GABBR2: variants seen among roughly 807,000 people sequenced by gnomAD.
GABBR2 encodes the protein gamma-aminobutyric acid type B receptor subunit 2.
A neutral mutation model predicts 105.6 loss-of-function variants in GABBR2; 23 were observed. The observed-to-expected ratio is 0.22, with a 90% CI of 0.16 to 0.31. The LOEUF is 0.31. Among genes scored for constraint, GABBR2 ranks in the 10% least tolerant of loss-of-function variants. The pLI is 1.00. For missense variants in GABBR2, 734 were observed against 1,245.5 expected (o/e 0.59, Z 6.18); for synonymous variants, 478 against 499.7 (o/e 0.96, Z 0.58).
chr9:98,696,163 G>A (rs1007137014), intron 1 of GABBR2, among the ~76,000 whole-genome samples: 3 of 152,320 alleles, frequency 2.0e-5, no homozygotes, highest in South Asian at 2.1e-4. Flanking sequence ...TTGCCTAATC[G>A]GGGAGGACAG....
intron 1 of GABBR2, among the ~76,000 whole-genome samples, chr9:98,611,487 AATGAATG>A (rs1273218175): frequency 6.6e-6 from 1 of 152,156 alleles, no homozygotes; most frequent in Non-Finnish European, 1.5e-5. Flanking sequence ...TGAATGAATG[AATGAATG>A]AAATTGGAAG....
chr9:98,362,051 T>G (rs1024050068), intron 13 of GABBR2, among the ~76,000 whole-genome samples: 1 of 152,126 alleles, frequency 6.6e-6, no homozygotes, highest in Non-Finnish European at 1.5e-5. Context: ...TCTACCGAAA[T>G]CCTACCAAAT....
intron 1 of GABBR2, chr9:98,581,325 T>C (rs1281103113): frequency 1.3e-5 from 2 of 152,236 alleles, no homozygotes; most frequent in Non-Finnish European, 2.9e-5. Context: ...GTGACAAGGA[T>C]GAGGTGGCCA....
intron 7 of GABBR2, among the ~76,000 whole-genome samples, chr9:98,441,274 C>G (rs1034617843): frequency 6.7e-6 from 1 of 149,466 alleles, no homozygotes; most frequent in Non-Finnish European, 1.5e-5. Flanking sequence ...TAAAATTGCT[C>G]TATCATAATA....
intron 2 of GABBR2, among the ~76,000 whole-genome samples, chr9:98,554,597 A>T (rs754678738): frequency 2.0e-5 from 3 of 152,236 alleles, no homozygotes; most frequent in Admixed American, 6.5e-5. Flanking sequence ...CTTTTAAAGA[A>T]TAATAGCAAA....
chr9:98,400,016 A>G (rs75312222), intron 8 of GABBR2, among the ~76,000 whole-genome samples: 2 of 109,890 alleles, frequency 1.8e-5, no homozygotes, highest in East Asian at 4.8e-4. Context: ...CACCTCCATG[A>G]AAAAAAAAAA....
rs746382056 is a variant in GABBR2 at position 98,290,688 on chromosome 9, C to T, written c.2722G>A (p.Gly908Arg). ...ILHHAYLPSI[G>R]GVDASCVSPC... ...CTGACACAGCTGGCGTCCACGCCTC[C>T]GATGGATGGGAGGTAGGCGTGGTGG... is the stretch of plus-strand genomic sequence containing the variant. The change falls in exon 19 of 19, where the codon GGA becomes AGA. Residue 908 changes from glycine to arginine, a missense_variant. Gly to Arg is a moderately radical substitution (Grantham distance 125). Coordinates refer to ENST00000259455, the MANE Select transcript of GABBR2 (RefSeq NM_005458.8). 4.7e-6 allele frequency: 7 copies of T among 1,480,460 alleles called. No individual in the cohort carries two copies. Among genetic ancestry groups the T allele is most frequent in the Non-Finnish European group, 1.8e-6 (2 of 1,126,536 alleles). 91.7% of individuals were successfully genotyped at this position (1,480,460 alleles called of 1,614,324 possible). A position where few individuals can be genotyped will look rare whatever the true frequency, so the allele number is the denominator to read the frequency against.
chr9:98,353,649 A>C (rs939006142), intron 13 of GABBR2, among the ~76,000 whole-genome samples: 4 of 152,216 alleles, frequency 2.6e-5, no homozygotes, highest in African/African-American at 9.6e-5. Context: ...AACAGGCATG[A>C]AAACAACATT....
intron 3 of GABBR2, among the ~76,000 whole-genome samples, chr9:98,513,638 CA>C (rs201500599): frequency 0.046 from 6,969 of 151,900 alleles, 244 homozygotes; most frequent in South Asian, 0.12. Flanking sequence ...TTTATGCAGC[CA>C]AAAAACACAT....
At chr9:98,633,965 A>G (rs1376370881) in intron 1 of GABBR2, among the ~76,000 whole-genome samples, 1 of 152,170 alleles carries the variant, frequency 6.6e-6, no homozygotes, top group Admixed American at 6.5e-5. Context: ...ACAGCCACTG[A>G]GCTGTGGTCA....
In GABBR2 at chr9:98,459,844, T is replaced by G. The variant is rs755464646; in HGVS notation, c.1000-5627A>C. ...GAAACCGAACCTGGAATCATCTCAG[T>G]TCTTCACTGGATTAAGGCAATTTGC... On this transcript the variant is annotated intron_variant, in intron 6 of 18. Transcript: ENST00000259455. Among the ~76,000 whole-genome samples, 11 of 152,350 alleles carry G rather than the reference T, an allele frequency of 7.2e-5. No homozygotes were observed. In the South Asian group the frequency reaches 2.3e-3, roughly 32 times the overall value.
chr9:98,555,332 C>T (rs1371815927), intron 2 of GABBR2, among the ~76,000 whole-genome samples: 1 of 152,186 alleles, frequency 6.6e-6, no homozygotes, highest in African/African-American at 2.4e-5. Context: ...CAGGCAGGGA[C>T]ATCATTCTAA....
At chr9:98,595,166 A>G (rs958541628) in intron 1 of GABBR2, among the ~76,000 whole-genome samples, 4 of 152,138 alleles carry the variant, frequency 2.6e-5, no homozygotes, top group African/African-American at 9.6e-5. Flanking sequence ...TTTGGTGTCT[A>G]GTGAAGGCTG....
At chr9:98,540,340 A>G (rs1312889336) in intron 3 of GABBR2, among the ~76,000 whole-genome samples, 1 of 152,206 alleles carries the variant, frequency 6.6e-6, no homozygotes, top group Non-Finnish European at 1.5e-5. Flanking sequence ...TCCATTACTC[A>G]TTGGATTTTG....
chr9:98,458,987 G>A (rs1365313005), intron 6 of GABBR2, among the ~76,000 whole-genome samples: 1 of 152,120 alleles, frequency 6.6e-6, no homozygotes, highest in African/African-American at 2.4e-5. Flanking sequence ...TTCCACTTAG[G>A]GAATGGCTGA....
At chr9:98,544,296 T>A (rs1828362475) in intron 2 of GABBR2, among the ~76,000 whole-genome samples, 1 of 152,142 alleles carries the variant, frequency 6.6e-6, no homozygotes, top group Non-Finnish European at 1.5e-5. Context: ...TGGGGGGCAG[T>A]AGAGATTTGT....
chr9:98,430,537 G>T (rs771958598), intron 7 of GABBR2, among the ~76,000 whole-genome samples: 1 of 152,028 alleles, frequency 6.6e-6, no homozygotes, highest in Non-Finnish European at 1.5e-5. Flanking sequence ...CTATTCCCAG[G>T]CCTGCCTGAG....
chr9:98,443,072 A>T (rs1437845661), intron 7 of GABBR2, among the ~76,000 whole-genome samples: 1 of 152,190 alleles, frequency 6.6e-6, no homozygotes, highest in Non-Finnish European at 1.5e-5. Flanking sequence ...GAATGTGAGG[A>T]TTAAGTGAAA....
intron 1 of GABBR2, among the ~76,000 whole-genome samples, chr9:98,635,588 G>A (rs141679646): frequency 5.3e-5 from 8 of 152,298 alleles, no homozygotes; most frequent in South Asian, 2.1e-4. Context: ...AGGTGTGACC[G>A]CCTCTTGAGG....
Sources: gnomAD v4.1 joint callset for allele counts (sites outside exome capture counted in the v4.1 genomes callset) on GRCh38, gnomAD v4.1.1 for gene constraint, MANE v1.5 for transcripts, NCBI Gene and HGNC (gene_info 2026-07-23, HGNC 2026-07-21) for gene names.